CHIC2: variants seen among roughly 807,000 people sequenced by gnomAD.
CHIC2 encodes the protein cysteine-rich hydrophobic domain-containing protein 2.
CHIC2 carries 14 observed loss-of-function variants against 25.9 expected under a neutral mutation model. The observed-to-expected ratio is 0.54, with a 90% CI of 0.36 to 0.85. The LOEUF is 0.85. CHIC2 is among the 40% of genes least tolerant of loss of function. The pLI, the probability that CHIC2 is intolerant of heterozygous loss-of-function variation, is 0.01. For missense variants in CHIC2, 146 were observed against 202.0 expected (o/e 0.72, Z 1.68); for synonymous variants, 70 against 72.0 (o/e 0.97, Z 0.14).
intron 3 of CHIC2, among the ~76,000 whole-genome samples, chr4:54,036,866 CAA>C (rs879547622): frequency 3.0e-4 from 41 of 136,818 alleles, no homozygotes; most frequent in African/African-American, 9.4e-4. Context: ...AATTTTTACT[CAA>C]AAAAAAAAAA....
the CHIC2 span, among the ~76,000 whole-genome samples, chr4:54,086,471 T>C: frequency 6.6e-6 from 1 of 152,114 alleles, no homozygotes; most frequent in African/African-American, 2.4e-5. Context: ...TCTCATAGGG[T>C]GGTTGTTCTC....
intron 3 of CHIC2, among the ~76,000 whole-genome samples, chr4:54,018,015 T>C (rs939489451): frequency 6.6e-6 from 1 of 152,162 alleles, no homozygotes; most frequent in Non-Finnish European, 1.5e-5. Context: ...CAACAAGTAG[T>C]AGTAACATAA....
chr4:54,041,156 GGATGGATTTT>G (rs1306067721), intron 3 of CHIC2, among the ~76,000 whole-genome samples: 1 of 151,426 alleles, frequency 6.6e-6, no homozygotes, highest in African/African-American at 2.4e-5. Flanking sequence ...CCTCGTGAGG[GGATGGATTTT>G]GAAGGCAAGA....
chr4:54,064,689 G>T, upstream of CHIC2: 1 of 1,015,166 alleles, frequency 9.9e-7, no homozygotes. This position sits in a 1 kb window ranked among gnomAD's most constrained non-coding sequence, Gnocchi z 4.2. Context: ...GGGCGGGCGC[G>T]TGCGTGGGCG....
At chr4:54,087,382 T>C in the CHIC2 span, 2 of 565,864 alleles carry the variant, frequency 3.5e-6, no homozygotes, top group African/African-American at 3.9e-5. Context: ...CTAAGCAAAA[T>C]GTAGATGCAA....
chr4:54,043,542 C>A (rs1316188991), intron 3 of CHIC2, among the ~76,000 whole-genome samples: 1 of 151,946 alleles, frequency 6.6e-6, no homozygotes, highest in African/African-American at 2.4e-5. Flanking sequence ...AATTTCATAT[C>A]CAGCCAAACT....
rs1002354893 is a variant in CHIC2 at position 54,064,380 on chromosome 4, G to A, written c.-80C>T. ...GGGTACCGGCGGGCGAGGCGGCGGA[G>A]GCTGAGGGGAGTCGCCGCTGCCGCC... On this transcript the variant is annotated 5_prime_UTR_variant, in exon 1 of 6. Coordinates refer to ENST00000263921, the MANE Select transcript of CHIC2 (RefSeq NM_012110.4). This position sits in a 1 kb window ranked among gnomAD's most constrained non-coding sequence, Gnocchi z 4.2. The A allele has an allele frequency of 4.5e-5, 71 of 1,572,186 alleles. No individual in the cohort carries two copies. Among genetic ancestry groups the A allele is most frequent in the African/African-American group, 2.2e-4 (16 of 73,136 alleles).
the CHIC2 span, among the ~76,000 whole-genome samples, chr4:54,083,615 C>G: frequency 2.0e-5 from 3 of 152,122 alleles, no homozygotes; most frequent in Admixed American, 6.5e-5. Context: ...TAATTAGTAA[C>G]CAAGGCTCAT....
At chr4:54,071,958 C>T in the CHIC2 span, among the ~76,000 whole-genome samples, 1 of 151,890 alleles carries the variant, frequency 6.6e-6, no homozygotes, top group Non-Finnish European at 1.5e-5. Context: ...CTTAGATTCT[C>T]CTGGAGTAAT....
chr4:54,066,287 G>C (rs536235983), upstream of CHIC2, among the ~76,000 whole-genome samples: 1 of 152,186 alleles, frequency 6.6e-6, no homozygotes, highest in African/African-American at 2.4e-5. Flanking sequence ...AAGGGCTTAA[G>C]ATCGGTGAAG....
intron 3 of CHIC2, among the ~76,000 whole-genome samples, chr4:54,031,539 A>G (rs1009853949): frequency 6.6e-6 from 1 of 152,042 alleles, no homozygotes; most frequent in Admixed American, 6.6e-5. Context: ...TAAAATGATA[A>G]TAACAGTAAC....
upstream of CHIC2, among the ~76,000 whole-genome samples, chr4:54,067,049 T>C (rs1420225255): frequency 1.3e-5 from 2 of 152,202 alleles, no homozygotes; most frequent in East Asian, 3.8e-4. Flanking sequence ...GAAAAGGAGC[T>C]TAATAAATGT....
chr4:54,070,784 A>G, the CHIC2 span, among the ~76,000 whole-genome samples: 1 of 152,056 alleles, frequency 6.6e-6, no homozygotes, highest in Non-Finnish European at 1.5e-5. Context: ...TGCCTGCACC[A>G]CTTCCCAGCC....
At chr4:54,066,105 G>A (rs1717512875), upstream of CHIC2, among the ~76,000 whole-genome samples, 1 of 152,196 alleles carries the variant, frequency 6.6e-6, no homozygotes, top group Non-Finnish European at 1.5e-5. Context: ...GAGGACACAG[G>A]AAGTGTCAGT....
chr4:54,012,998 T>C lies in CHIC2; in HGVS notation c.447+839A>G, dbSNP rs77033702. Reference sequence around the variant, plus strand: ...ATGATGGCTATATTGTTTTAAAGAATAGACAAAATTCCTCAGAAATGTTGT... The same window carrying C: ...ATGATGGCTATATTGTTTTAAAGAACAGACAAAATTCCTCAGAAATGTTGT... On this transcript the variant is annotated intron_variant, in intron 5 of 5. Coordinates refer to ENST00000263921, the MANE Select transcript of CHIC2 (RefSeq NM_012110.4). Among the ~76,000 whole-genome samples, 759 of 152,180 alleles carry C rather than the reference T, an allele frequency of 5.0e-3. 5 individuals are homozygous for C. The highest frequency in any genetic ancestry group is 0.018 in the African/African-American group (729 of 41,542).
At chr4:54,033,467 C>T (rs1019448948) in intron 3 of CHIC2, among the ~76,000 whole-genome samples, 13 of 152,016 alleles carry the variant, frequency 8.6e-5, no homozygotes, top group African/African-American at 3.1e-4. Context: ...AAGATTTCTC[C>T]CAGTCAGTAG....
intron 1 of CHIC2, among the ~76,000 whole-genome samples, chr4:54,053,298 T>C (rs1476210925): frequency 6.6e-6 from 1 of 152,212 alleles, no homozygotes; most frequent in Non-Finnish European, 1.5e-5. Flanking sequence ...GGCTCACACC[T>C]GTGATCCCAG....
intron 3 of CHIC2, among the ~76,000 whole-genome samples, chr4:54,038,290 T>C (rs1716454221): frequency 6.6e-6 from 1 of 152,150 alleles, no homozygotes; most frequent in African/African-American, 2.4e-5. Context: ...GGACATGACG[T>C]TAATATGCAA....
chr4:54,013,861 A>G lies in CHIC2; in HGVS notation c.423T>C (p.Cys141=). The part of the protein sequence containing the change: ...CLHWRLSKRK[C]ETNNMMEYVI... Reference sequence around the variant, plus strand: ...CATATTCCATCATGTTATTCGTTTCACATTTCCTTTTGCTCAGTCTCCAAT... The same window carrying G: ...CATATTCCATCATGTTATTCGTTTCGCATTTCCTTTTGCTCAGTCTCCAAT... The change falls in exon 5 of 6, where the codon TGT becomes TGC. Residue 141 remains cysteine (C), a synonymous_variant. Coordinates refer to ENST00000263921, the MANE Select transcript of CHIC2 (RefSeq NM_012110.4). 1 of 1,613,424 alleles carries G rather than the reference A, an allele frequency of 6.2e-7. No individual in the cohort carries two copies. Among genetic ancestry groups the G allele is most frequent in the Non-Finnish European group, 8.5e-7 (1 of 1,179,488 alleles).
Sources: gnomAD v4.1 joint callset for allele counts (sites outside exome capture counted in the v4.1 genomes callset) on GRCh38, gnomAD v4.1.1 for gene constraint, Gnocchi (gnomAD v3.1) non-coding constraint, MANE v1.5 for transcripts, NCBI Gene and HGNC (gene_info 2026-07-23, HGNC 2026-07-21) for gene names.